The following PPP4R1 variants were observed in gnomAD, a reference collection of about 807,000 sequenced individuals.
PPP4R1 encodes protein phosphatase 4 regulatory subunit 1, also known as serine/threonine-protein phosphatase 4 regulatory subunit 1.
In PPP4R1, 42 loss-of-function variants were observed where a neutral mutation model predicts 111.2. The observed-to-expected ratio is 0.38, with a 90% CI of 0.29 to 0.49. PPP4R1 has a LOEUF of 0.49. Among genes scored for constraint, PPP4R1 ranks in the 20% least tolerant of loss-of-function variants. The probability of loss-of-function intolerance (pLI) is 0.97; values close to 1 mark genes in which losing one functional copy is unlikely to be tolerated. For missense variants in PPP4R1, 1,012 were observed against 1,161.6 expected (o/e 0.87, Z 1.87); for synonymous variants, 409 against 405.5 (o/e 1.01, Z -0.10).
intron 2 of PPP4R1, among the ~76,000 whole-genome samples, chr18:9,596,845 C>A (rs1445080221): frequency 6.6e-6 from 1 of 152,166 alleles, no homozygotes; most frequent in Non-Finnish European, 1.5e-5. Context: ...GAGAACACAA[C>A]AGTTCCTTTT....
chr18:9,554,851 C>G (rs955238423), intron 15 of PPP4R1, among the ~76,000 whole-genome samples: 1 of 152,238 alleles, frequency 6.6e-6, no homozygotes, highest in African/African-American at 2.4e-5. Context: ...GGGGTCTCCA[C>G]TAGTCAAATT....
At chr18:9,583,388 A>G in intron 8 of PPP4R1, 113 bp from the exon 9 acceptor site, 1 of 1,125,858 alleles carries the variant, frequency 8.9e-7, no homozygotes, top group Non-Finnish European at 1.2e-6. Context: ...TTGTTTTGAG[A>G]CAGAGTCTCA....
intron 4 of PPP4R1, among the ~76,000 whole-genome samples, chr18:9,589,084 T>C (rs1015167660): frequency 1.3e-5 from 2 of 152,224 alleles, no homozygotes; most frequent in Admixed American, 6.5e-5. Flanking sequence ...CAGTATGCAC[T>C]GAGTATCTAA....
Position 9,550,274 on chromosome 18 carries a change from A to G in PPP4R1, c.2412+4T>C, listed in dbSNP as rs756525646. 1.2e-6 allele frequency: 2 copies of G among 1,613,878 alleles called. No homozygotes were observed. The highest frequency in any genetic ancestry group is 2.2e-5 in the East Asian group (1 of 44,898). On this transcript the variant is annotated splice_donor_region_variant and intron_variant, in intron 17 of 19. Transcript: ENST00000400556. ...ATCTAAAATTTTAAAAGTTCAATAC[A>G]TACCAACTTGTAGGAAATCCAACGA...
rs781645094 is a variant in PPP4R1 at position 9,563,492 on chromosome 18, C to G, written c.1632G>C (p.Glu544Asp). The G allele has an allele frequency of 6.2e-6, 10 of 1,608,062 alleles. No homozygotes were observed. The highest frequency in any genetic ancestry group is 8.5e-6 in the Non-Finnish European group (10 of 1,175,072). The change falls in exon 12 of 20, where the codon GAG becomes GAC. Residue 544 changes from glutamate (E) to aspartate (D), a missense_variant. Transcript: ENST00000400556. Reference protein sequence around the residue: ...LRASSLDAHEETISIEKRSDL... With the variant: ...LRASSLDAHEDTISIEKRSDL... ...CACTTCTCTTTTCTATACTGATGGTCTCTTCATGTGCATCCAGGCTGGAAG... is the reference window on the plus strand; with the variant it reads ...CACTTCTCTTTTCTATACTGATGGTGTCTTCATGTGCATCCAGGCTGGAAG...
In PPP4R1 at chr18:9,554,060, G is replaced by A. The variant is rs530686296; in HGVS notation, c.2191-638C>T. ...AATATTATGTAGTTGATTTGATGTG[G>A]GAATTATTATTGGTGGAGTAATTCT... On this transcript the variant is annotated intron_variant, in intron 15 of 19. Coordinates refer to ENST00000400556, the MANE Select transcript of PPP4R1 (RefSeq NM_001042388.3). 2.2e-3 allele frequency among the ~76,000 whole-genome samples: 329 copies of A among 152,220 alleles called. 1 individual carries two copies. The Middle Eastern group carries it at 0.027, about 13-fold the overall frequency.
chr18:9,594,382 CA>C (rs1598946983), intron 3 of PPP4R1: 1 of 152,278 alleles, frequency 6.6e-6, no homozygotes, highest in South Asian at 2.1e-4. Flanking sequence ...ATATTTACAA[CA>C]TTTTTTTTTA....
chr18:9,573,233 G>C (rs2066888311), intron 10 of PPP4R1, among the ~76,000 whole-genome samples: 1 of 152,154 alleles, frequency 6.6e-6, no homozygotes, highest in Non-Finnish European at 1.5e-5. Flanking sequence ...GGCTAGATTA[G>C]CTAACAGTAT....
At chr18:9,549,083 C>T in intron 19 of PPP4R1, 114 bp downstream of exon 19, 1 of 1,322,348 alleles carries the variant, frequency 7.6e-7, no homozygotes. Flanking sequence ...TTTCCTTCCA[C>T]CAGATTATTT....
chr18:9,609,985 G>A (rs1382226754), intron 2 of PPP4R1, among the ~76,000 whole-genome samples: 1 of 152,232 alleles, frequency 6.6e-6, no homozygotes, highest in East Asian at 1.9e-4. Flanking sequence ...GGACTGCTGT[G>A]AAGAATAACC....
chr18:9,576,055 T>C (rs952579990), intron 10 of PPP4R1, among the ~76,000 whole-genome samples: 1 of 152,196 alleles, frequency 6.6e-6, no homozygotes, highest in Non-Finnish European at 1.5e-5. Flanking sequence ...GTTTGAGTGA[T>C]TTTCTTCCTT....
intron 15 of PPP4R1, 102 bp downstream of exon 15, chr18:9,557,119 C>A: frequency 8.6e-7 from 1 of 1,159,628 alleles, no homozygotes; most frequent in African/African-American, 1.6e-5. Context: ...TGTTTTCTTA[C>A]ATAGAAACAC....
intron 11 of PPP4R1, among the ~76,000 whole-genome samples, chr18:9,565,774 T>C (rs747700821): frequency 1.1e-4 from 16 of 152,326 alleles, no homozygotes; most frequent in Middle Eastern, 3.4e-3. Flanking sequence ...GGTTGGTTCA[T>C]GAGGTTTAAG....
chr18:9,582,304 CAG>C (rs1198547750), intron 9 of PPP4R1, among the ~76,000 whole-genome samples: 1 of 144,828 alleles, frequency 6.9e-6, no homozygotes, highest in African/African-American at 2.6e-5. Flanking sequence ...GGCCAAGAAA[CAG>C]AGACAAGACT....
At position 9,550,241 on chromosome 18, in the gene PPP4R1, G is replaced by C. The variant is rs367725052; in HGVS notation, c.2412+37C>G. On this transcript the variant is annotated intron_variant, in intron 17 of 19. Coordinates refer to ENST00000400556, the MANE Select transcript of PPP4R1 (RefSeq NM_001042388.3). ...ACAGCTTCCATTCTAGGATCTTAGA[G>C]TTTGCTGATCTAAAATTTTAAAAGT... is the stretch of plus-strand genomic sequence containing the variant. 12 of 1,613,866 alleles carry C rather than the reference G, an allele frequency of 7.4e-6. No individual in the cohort carries two copies. In the African/African-American group the frequency reaches 1.2e-4, roughly 16 times the overall value.
At position 9,584,816 on chromosome 18, in the gene PPP4R1, T is replaced by C. The variant is rs762148118; in HGVS notation, c.598A>G (p.Met200Val). Residue 200 changes from methionine (M) to valine (V), a missense_variant, in exon 7 of 20, where the codon ATG (methionine) becomes GTG (valine). Met to Val is a conservative substitution (Grantham distance 21, BLOSUM62 1). Transcript: ENST00000400556. The stretch of plus-strand genomic sequence containing the variant: ...ATATCCTTCCCAACCATGGGAGCCA[T>C]TTTGCACATTATCTAAAATAAGTAA... ...KTEAVAIMCKMAPMVGKDITE... is the reference protein window; with the variant it reads ...KTEAVAIMCKVAPMVGKDITE... The C allele has an allele frequency of 5.0e-6, 8 of 1,610,690 alleles. No individual in the cohort carries two copies. The highest frequency in any genetic ancestry group is 6.8e-6 in the Non-Finnish European group (8 of 1,177,872).
chr18:9,609,224 A>G (rs1276168552), intron 2 of PPP4R1, among the ~76,000 whole-genome samples: 1 of 152,226 alleles, frequency 6.6e-6, no homozygotes, highest in Non-Finnish European at 1.5e-5. Flanking sequence ...TGTTGGCAGC[A>G]GTCAAAACAG....
Position 9,570,568 on chromosome 18 carries a change from C to G in PPP4R1, c.1162G>C (p.Ala388Pro), listed in dbSNP as rs1369357166. Reference protein sequence around the residue: ...ILENTMEDHAAEASGKPLGEI... With the variant: ...ILENTMEDHAPEASGKPLGEI... ...CCTAGAGGCTTCCCGGATGCCTCAG[C>G]AGCATGGTCTTCCATCGTGTTTTCC... Residue 388 changes from alanine (A) to proline (P), a missense_variant, in exon 11 of 20, where the codon GCT becomes CCT. Transcript: ENST00000400556. The G allele has an allele frequency of 1.2e-6, 2 of 1,614,170 alleles. No individual in the cohort carries two copies. Among genetic ancestry groups the G allele is most frequent in the East Asian group, 2.2e-5 (1 of 44,888 alleles).
intron 14 of PPP4R1, among the ~76,000 whole-genome samples, chr18:9,558,857 A>G (rs541383795): frequency 6.6e-6 from 1 of 152,306 alleles, no homozygotes; most frequent in South Asian, 2.1e-4. Flanking sequence ...AGATGTCCAG[A>G]CAAAATGACG....
Sources: allele counts gnomAD v4.1 joint callset (sites outside exome capture counted in the v4.1 genomes callset), GRCh38; gene constraint gnomAD v4.1.1; transcripts MANE v1.5; gene names NCBI Gene and HGNC (gene_info 2026-07-23, HGNC 2026-07-21).